Variants in OTUD7A observed in about 807,000 individuals in gnomAD.
OTUD7A encodes the protein OTU deubiquitinase 7A, also known as OTU domain-containing protein 7A.
Under a neutral mutation model 65.7 loss-of-function variants are expected in OTUD7A, and 12 were observed. The ratio of observed to expected loss-of-function variants is 0.18; its 90% confidence interval spans 0.12 to 0.30. The LOEUF is 0.30. Among genes scored for constraint, OTUD7A ranks in the 10% least tolerant of loss-of-function variants. The pLI is 1.00. For missense variants in OTUD7A, 1,148 were observed against 1,304.8 expected (o/e 0.88, Z 1.85); for synonymous variants, 641 against 586.3 (o/e 1.09, Z -1.35).
At chr15:31,571,146 A>C (rs1566925594) in intron 3 of OTUD7A, among the ~76,000 whole-genome samples, 1 of 152,186 alleles carries the variant, frequency 6.6e-6, no homozygotes, top group South Asian at 2.1e-4. Flanking sequence ...CATCTGCCCC[A>C]TCAATATACA....
chr15:31,499,506 G>A (rs16956797), intron 10 of OTUD7A, among the ~76,000 whole-genome samples: 20,291 of 152,260 alleles, frequency 0.13, 1,399 homozygotes, highest in Admixed American at 0.19. Flanking sequence ...TGATTTCCAC[G>A]TCCCTCTCTG....
intron 1 of OTUD7A, among the ~76,000 whole-genome samples, chr15:31,659,947 T>C (rs1892111927): frequency 6.6e-6 from 1 of 152,276 alleles, no homozygotes. Context: ...ACTTCATTTC[T>C]TGAAGCCTTG....
intron 4 of OTUD7A, among the ~76,000 whole-genome samples, chr15:31,569,209 G>C (rs1266586678): frequency 6.6e-6 from 1 of 152,192 alleles, no homozygotes; most frequent in Non-Finnish European, 1.5e-5. Context: ...AGAAACAAAA[G>C]CACCAGTATG....
chr15:31,834,415 TTTAAA>T (rs1462083950), intron 1 of OTUD7A, among the ~76,000 whole-genome samples: 1 of 152,240 alleles, frequency 6.6e-6, no homozygotes, highest in Non-Finnish European at 1.5e-5. Context: ...TTGTTTTGTC[TTTAAA>T]TTAATCAATC....
intron 3 of OTUD7A, among the ~76,000 whole-genome samples, chr15:31,633,023 A>T (rs1035536960): frequency 3.3e-5 from 5 of 152,130 alleles, no homozygotes; most frequent in African/African-American, 1.2e-4. Context: ...GCCGTCTGTC[A>T]CCCCTTTCTT....
At chr15:31,593,541 A>G (rs7167462) in intron 3 of OTUD7A, among the ~76,000 whole-genome samples, 50,871 of 151,812 alleles carry the variant, frequency 0.34, 11,372 homozygotes, top group African/African-American at 0.64. Flanking sequence ...AAAAACTTGA[A>G]TTTGGGGCGG....
At chr15:31,776,601 TTCC>T (rs1895387653) in intron 1 of OTUD7A, among the ~76,000 whole-genome samples, 2 of 152,218 alleles carry the variant, frequency 1.3e-5, no homozygotes, top group Admixed American at 1.3e-4. Context: ...GAGACCTGCC[TTCC>T]TCTACTAAAG....
Position 31,481,296 on chromosome 15 carries a change from C to G in OTUD7A, c.*1998G>C, listed in dbSNP as rs1315159939. 1 of 152,150 alleles carries G rather than the reference C, an allele frequency of 6.6e-6. No individual in the cohort carries two copies. Among genetic ancestry groups the G allele is most frequent in the Non-Finnish European group, 1.5e-5 (1 of 68,042 alleles). The allele number at this position is 152,150 out of a possible 1,614,324, so 9.4% of individuals were successfully genotyped here. A position where few individuals can be genotyped will look rare whatever the true frequency, so the allele number is the denominator to read the frequency against. On this transcript the variant is annotated 3_prime_UTR_variant, in exon 13 of 13. Transcript: ENST00000307050. ...GGGTGTCTCAATCTTTTAAGAGTGA[C>G]GAGCATGAGGAGTGGCTGGCATCCA...
rs181902993 is a variant in OTUD7A at position 31,538,902 on chromosome 15, G to A, written c.551-8094C>T. On this transcript the variant is annotated intron_variant, in intron 5 of 12. Coordinates refer to ENST00000307050, the MANE Select transcript of OTUD7A (RefSeq NM_001382637.1). Reference sequence around the variant, plus strand: ...TCGCTGTAACACCAACATGAATTTGGCAATTTTTTTCATTATATCACATGA... The same window carrying A: ...TCGCTGTAACACCAACATGAATTTGACAATTTTTTTCATTATATCACATGA... Among the ~76,000 whole-genome samples, 9 of 152,018 alleles carry A rather than the reference G, an allele frequency of 5.9e-5. No individual in the cohort carries two copies. In the East Asian group the frequency reaches 1.7e-3, roughly 29 times the overall value.
At chr15:31,668,025 C>T (rs955037761) in intron 1 of OTUD7A, among the ~76,000 whole-genome samples, 3 of 152,186 alleles carry the variant, frequency 2.0e-5, no homozygotes, top group Non-Finnish European at 2.9e-5. Flanking sequence ...GTTAGTCTGA[C>T]AGGTTTTCCT....
intron 1 of OTUD7A, among the ~76,000 whole-genome samples, chr15:31,757,188 G>C (rs1466019598): frequency 1.3e-5 from 2 of 152,060 alleles, no homozygotes; most frequent in Non-Finnish European, 2.9e-5. Flanking sequence ...GCACCTCCTG[G>C]TGCTGAATCT....
intron 3 of OTUD7A, among the ~76,000 whole-genome samples, chr15:31,579,688 A>G (rs1008364464): frequency 4.6e-5 from 7 of 152,230 alleles, no homozygotes; most frequent in South Asian, 2.1e-4. Context: ...TATTGTATGT[A>G]TGTGCATGTG....
intron 1 of OTUD7A, among the ~76,000 whole-genome samples, chr15:31,734,849 A>C (rs1894142872): frequency 6.6e-6 from 1 of 151,970 alleles, no homozygotes; most frequent in South Asian, 2.1e-4. Context: ...GTACAGGCAG[A>C]GATTTCATGA....
intron 1 of OTUD7A, among the ~76,000 whole-genome samples, chr15:31,856,686 C>T (rs996805824): frequency 6.6e-6 from 1 of 152,310 alleles, no homozygotes; most frequent in African/African-American, 2.4e-5. Context: ...CCTCGCCACA[C>T]GTTAATTAAA....
At chr15:31,813,186 A>T (rs1018199436) in intron 1 of OTUD7A, among the ~76,000 whole-genome samples, 6 of 152,342 alleles carry the variant, frequency 3.9e-5, no homozygotes, top group Middle Eastern at 3.4e-3. Flanking sequence ...GGTCCAGGCC[A>T]AGCACGTGCA....
At chr15:31,680,054 A>G (rs1439101988) in intron 1 of OTUD7A, among the ~76,000 whole-genome samples, 1 of 152,184 alleles carries the variant, frequency 6.6e-6, no homozygotes, top group Non-Finnish European at 1.5e-5. Context: ...GAAAATACAA[A>G]TTCGACAAGA....
intron 1 of OTUD7A, among the ~76,000 whole-genome samples, chr15:31,816,296 T>C (rs1255527566): frequency 6.6e-6 from 1 of 152,186 alleles, no homozygotes; most frequent in Non-Finnish European, 1.5e-5. Context: ...GATTCCTTCT[T>C]CACAAAACCA....
intron 3 of OTUD7A, among the ~76,000 whole-genome samples, chr15:31,647,288 C>T (rs1353856948): frequency 6.6e-6 from 1 of 152,190 alleles, no homozygotes; most frequent in Non-Finnish European, 1.5e-5. Flanking sequence ...CATGGCAGTC[C>T]TCTAATCGCA....
At chr15:31,776,228 T>C (rs1406561128) in intron 1 of OTUD7A, among the ~76,000 whole-genome samples, 1 of 152,190 alleles carries the variant, frequency 6.6e-6, no homozygotes, top group African/African-American at 2.4e-5. Flanking sequence ...CCTGGCTGTG[T>C]CTTAAGCTTA....
Sources: gnomAD v4.1 joint callset for allele counts (sites outside exome capture counted in the v4.1 genomes callset) on GRCh38, gnomAD v4.1.1 for gene constraint, MANE v1.5 for transcripts, NCBI Gene and HGNC (gene_info 2026-07-23, HGNC 2026-07-21) for gene names.